The following CDH13 variants were observed in gnomAD, a reference collection of about 807,000 sequenced individuals.
CDH13 encodes cadherin 13, also known as cadherin-13.
CDH13 carries 24 observed loss-of-function variants against 63.8 expected under a neutral mutation model. The observed-to-expected ratio is 0.38, with a 90% CI of 0.27 to 0.53. The LOEUF (loss-of-function observed/expected upper bound fraction) is 0.53. Among genes scored for constraint, CDH13 ranks in the 20% least tolerant of loss-of-function variants. CDH13 has a pLI of 0.85. For synonymous variants in CDH13, 503 were observed against 355.3 expected (o/e 1.42, Z -4.67); for missense variants, 1,049 against 903.1 (o/e 1.16, Z -2.07).
intron 2 of CDH13, among the ~76,000 whole-genome samples, chr16:82,912,224 A>T (rs376318674): frequency 0.14 from 2,304 of 16,372 alleles, 63 homozygotes; most frequent in African/African-American, 0.29. Context: ...TTGTTTCTGC[A>T]TGTTAATATT....
intron 6 of CDH13, among the ~76,000 whole-genome samples, chr16:83,419,790 T>C (rs918890439): frequency 6.6e-6 from 1 of 152,232 alleles, no homozygotes; most frequent in Non-Finnish European, 1.5e-5. Flanking sequence ...TCTCTGCTCA[T>C]GTTTTCCAGC....
intron 2 of CDH13, among the ~76,000 whole-genome samples, chr16:82,941,952 C>G (rs866254870): frequency 6.6e-6 from 1 of 152,136 alleles, no homozygotes. Context: ...GAATATAAGT[C>G]TGTCAGATGC....
At chr16:82,735,936 C>G (rs7189103) in intron 1 of CDH13, among the ~76,000 whole-genome samples, 2,180 of 152,282 alleles carry the variant, frequency 0.014, 48 homozygotes, top group African/African-American at 0.05. Context: ...AAACCAGACG[C>G]TATACTCACT....
intron 13 of CDH13, among the ~76,000 whole-genome samples, chr16:83,786,584 T>A (rs926704892): frequency 1.1e-5 from 1 of 91,536 alleles, no homozygotes; most frequent in Non-Finnish European, 2.2e-5. Flanking sequence ...CTTTATTTGT[T>A]TACTTATTTA....
intron 7 of CDH13, among the ~76,000 whole-genome samples, chr16:83,492,050 C>G (rs556702733): frequency 6.6e-6 from 1 of 152,106 alleles, no homozygotes; most frequent in Non-Finnish European, 1.5e-5. Flanking sequence ...ATCTAGCCAA[C>G]GAATTTGGAT....
rs373812637 is a variant in CDH13 at position 83,039,171 on chromosome 16, G to C, written c.366+6953G>C. On this transcript the variant is annotated intron_variant, in intron 3 of 13. Transcript: ENST00000567109. The stretch of plus-strand genomic sequence containing the variant: ...ATATACGCTTGGATCCAGCTTCACT[G>C]CTCCCAGTCTGGAGTTATTCCTCAA... Among the ~76,000 whole-genome samples, 57 of 152,304 alleles carry C rather than the reference G, an allele frequency of 3.7e-4. 1 individual carries two copies. Among genetic ancestry groups the C allele is most frequent in the African/African-American group, 1.3e-3 (54 of 41,556 alleles).
chr16:83,012,318 CTTT>C lies in CDH13; in HGVS notation c.158-19675_158-19673del, dbSNP rs33972456. On this transcript the variant is annotated intron_variant, in intron 2 of 13. Coordinates refer to ENST00000567109, the MANE Select transcript of CDH13 (RefSeq NM_001257.5). ...ATTTGGGGGTTGTTTGGTTTCTTTC[CTTT>C]TTTTTTTTTTTTTTTTGGCCCCTTT... 2.5e-3 allele frequency among the ~76,000 whole-genome samples: 306 copies of C among 121,082 alleles called. 2 individuals carry two copies. The highest frequency in any genetic ancestry group is 5.4e-3 in the East Asian group (23 of 4,244). 79.4% of individuals were successfully genotyped at this position (121,082 alleles called of 152,430 possible). A position where few individuals can be genotyped will look rare whatever the true frequency, so the allele number is the denominator to read the frequency against.
chr16:82,634,777 C>A (rs1338585199), intron 1 of CDH13, among the ~76,000 whole-genome samples: 4 of 152,188 alleles, frequency 2.6e-5, no homozygotes, highest in Non-Finnish European at 4.4e-5. Flanking sequence ...TAAGAGGGGC[C>A]TGAGAAGTTC....
At chr16:83,763,022 G>A (rs1234921530) in intron 11 of CDH13, among the ~76,000 whole-genome samples, 5 of 152,228 alleles carry the variant, frequency 3.3e-5, no homozygotes, top group African/African-American at 1.2e-4. Flanking sequence ...ATCTCTACGG[G>A]GCCCGTATTA....
At chr16:83,395,467 C>T (rs377678418) in intron 6 of CDH13, among the ~76,000 whole-genome samples, 1 of 152,132 alleles carries the variant, frequency 6.6e-6, no homozygotes, top group African/African-American at 2.4e-5. Flanking sequence ...GAAGTTACCT[C>T]CTTTCAAAGT....
intron 7 of CDH13, among the ~76,000 whole-genome samples, chr16:83,494,342 TA>T (rs1488574149): frequency 6.6e-6 from 1 of 152,218 alleles, no homozygotes; most frequent in Non-Finnish European, 1.5e-5. Flanking sequence ...GTATGATTAC[TA>T]TGTTAATGCA....
chr16:83,049,109 A>G (rs1025482881), intron 3 of CDH13, among the ~76,000 whole-genome samples: 2 of 152,166 alleles, frequency 1.3e-5, no homozygotes. Context: ...GGTAAAATTT[A>G]CATAACATAA....
intron 11 of CDH13, among the ~76,000 whole-genome samples, chr16:83,759,127 G>C (rs6563976): frequency 6.6e-6 from 1 of 151,982 alleles, no homozygotes; most frequent in Non-Finnish European, 1.5e-5. Context: ...TTACACTACC[G>C]TACATATATC....
intron 2 of CDH13, among the ~76,000 whole-genome samples, chr16:82,970,067 C>T (rs998938565): frequency 2.6e-5 from 4 of 152,050 alleles, no homozygotes; most frequent in African/African-American, 9.7e-5. Flanking sequence ...AGGTATTTCT[C>T]CTAATGCTAT....
At chr16:83,011,145 G>A (rs1567742096) in intron 2 of CDH13, among the ~76,000 whole-genome samples, 1 of 152,154 alleles carries the variant, frequency 6.6e-6, no homozygotes, top group Non-Finnish European at 1.5e-5. Context: ...GGACAAAGTA[G>A]TAAGGGGTGT....
At chr16:82,817,330 G>A (rs1027862404) in intron 1 of CDH13, among the ~76,000 whole-genome samples, 10 of 152,038 alleles carry the variant, frequency 6.6e-5, no homozygotes, top group South Asian at 2.1e-4. Flanking sequence ...TTAGCTCAGC[G>A]TGCTCACTGT....
intron 3 of CDH13, among the ~76,000 whole-genome samples, chr16:83,065,345 C>T (rs2151531165): frequency 6.6e-6 from 1 of 152,208 alleles, no homozygotes; most frequent in East Asian, 1.9e-4. Context: ...AATGCTGGTA[C>T]AAAGATGGGT....
chr16:83,168,744 T>G (rs1291127093), intron 4 of CDH13, among the ~76,000 whole-genome samples: 1 of 152,198 alleles, frequency 6.6e-6, no homozygotes, highest in African/African-American at 2.4e-5. Flanking sequence ...CTCATTCATA[T>G]ATATTCATAT....
At chr16:83,072,224 G>C (rs368931521) in intron 3 of CDH13, among the ~76,000 whole-genome samples, 23 of 152,240 alleles carry the variant, frequency 1.5e-4, no homozygotes, top group African/African-American at 4.3e-4. Context: ...TCTGTATTCA[G>C]TTTATAAAAG....
Sources: allele counts gnomAD v4.1 joint callset (sites outside exome capture counted in the v4.1 genomes callset), GRCh38; gene constraint gnomAD v4.1.1; transcripts MANE v1.5; gene names NCBI Gene and HGNC (gene_info 2026-07-23, HGNC 2026-07-21).